Variants in PARP14 observed in about 807,000 individuals in gnomAD.
PARP14 encodes the protein poly(ADP-ribose) polymerase family member 14, also known as protein mono-ADP-ribosyltransferase PARP14.
Under a neutral mutation model 154.2 loss-of-function variants are expected in PARP14, and 59 were observed. That is an observed-to-expected ratio of 0.38 (90% CI 0.31 to 0.48). The LOEUF is 0.48. Ranked by LOEUF, PARP14 falls within the 20% of genes least tolerant of loss-of-function variation. The pLI, the probability that PARP14 is intolerant of heterozygous loss-of-function variation, is 0.98. For synonymous variants in PARP14, 720 were observed against 780.5 expected, an observed-to-expected ratio of 0.92 and a Z score of 1.29; for missense variants, 1,734 against 2,131.6, an observed-to-expected ratio of 0.81 and a Z score of 3.67.
At chr3:122,690,747 A>G (rs775959966) in intron 3 of PARP14, among the ~76,000 whole-genome samples, 7 of 152,152 alleles carry the variant, frequency 4.6e-5, no homozygotes, top group Non-Finnish European at 8.8e-5. Flanking sequence ...CCTGATGTCA[A>G]GTGATCCGCC....
intron 4 of PARP14, among the ~76,000 whole-genome samples, 193 bp from the exon 5 acceptor site, chr3:122,695,233 C>T (rs1364226273): frequency 2.0e-5 from 3 of 152,138 alleles, no homozygotes; most frequent in Non-Finnish European, 4.4e-5. Flanking sequence ...GTAAGACATT[C>T]GTGTGTGTGT....
intron 8 of PARP14, 39 bp downstream of exon 8, chr3:122,704,787 G>T: frequency 8.7e-7 from 1 of 1,146,972 alleles, no homozygotes; most frequent in South Asian, 1.4e-5. Context: ...TGGCAACTGA[G>T]ACCTAGTGTT....
intron 15 of PARP14, chr3:122,720,948 A>T (rs1426556360): frequency 4.2e-5 from 15 of 357,372 alleles, no homozygotes; most frequent in South Asian, 2.9e-4. Flanking sequence ...TCTCAAATAA[A>T]AACAACCAAT....
chr3:122,682,806 A>G (rs1374277127), intron 1 of PARP14, among the ~76,000 whole-genome samples: 1 of 152,144 alleles, frequency 6.6e-6, no homozygotes. Flanking sequence ...TAATCCCAGC[A>G]CTTTGGGAGG....
rs2107644656 is a variant in PARP14, at chr3:122,701,619, G to A, written c.3065G>A (p.Gly1022Asp). 1.9e-6 allele frequency: 3 copies of A among 1,596,772 alleles called. No homozygotes were observed. Among genetic ancestry groups the A allele is most frequent in the Non-Finnish European group, 2.6e-6 (3 of 1,171,274 alleles). ...CTGCAGATGCTGTTGGTGAAAGAGG[G>A]TGTGCAGAATGCTAAGGTGAGTGTC... The part of the protein sequence containing the change: ...GGLQMLLVKE[G>D]VQNAKTDVVV... Residue 1022 changes from glycine (G) to aspartate (D), a missense_variant, in exon 6 of 17, where the codon GGT (glycine) becomes GAT (aspartate). Transcript: ENST00000474629. The surrounding 1 kb of genome is among the most constrained non-coding windows in gnomAD (Gnocchi z 4.0).
Position 122,728,526 on chromosome 3 carries a change from C to T in PARP14, c.5335C>T (p.His1779Tyr), listed in dbSNP as rs757673576. ...LYDTVTDNVH[H>Y]PSLFVAFYDY... The stretch of plus-strand genomic sequence containing the variant: ...TGACACTGTCACAGATAATGTGCAC[C>T]ATCCAAGTTTATTTGTGGCATTTTA... The change falls in exon 17 of 17, where the codon CAT becomes TAT. Residue 1779 changes from histidine to tyrosine, a missense_variant. Physicochemically the swap from His to Tyr is moderately conservative, Grantham distance 83. This residue lies in a region of PARP14 where 88 missense variants were observed against 155.6 expected (regional missense o/e 0.57). Transcript: ENST00000474629. 5 of 1,613,612 alleles carry T rather than the reference C, an allele frequency of 3.1e-6. No homozygotes were observed. The highest frequency in any genetic ancestry group is 4.2e-6 in the Non-Finnish European group (5 of 1,179,586).
At position 122,718,351 on chromosome 3, in the gene PARP14, C is replaced by T. The variant is rs757731911; in HGVS notation, c.4208-8C>T. 1.2e-6 allele frequency: 2 copies of T among 1,610,528 alleles called. No individual in the cohort carries two copies. Among genetic ancestry groups the T allele is most frequent in the East Asian group, 4.5e-5 (2 of 44,868 alleles). Reference sequence around the variant, plus strand: ...ATGTGAAATACCTAATCTTCCTTTTCTTTTTAGCATTTTTGGGCTTTTCAA... The same window carrying T: ...ATGTGAAATACCTAATCTTCCTTTTTTTTTTAGCATTTTTGGGCTTTTCAA... On this transcript the variant is annotated splice_polypyrimidine_tract_variant and splice_region_variant and intron_variant, in intron 13 of 16. Transcript: ENST00000474629.
Position 122,681,378 on chromosome 3 carries a change from T to TTTG in PARP14, c.187+322_187+324dup, listed in dbSNP as rs537415263. On this transcript the variant is annotated intron_variant, in intron 1 of 16. Coordinates refer to ENST00000474629, the MANE Select transcript of PARP14 (RefSeq NM_017554.3). The surrounding 1 kb of genome is among the most constrained non-coding windows in gnomAD (Gnocchi z 5.5). ...TTTCCCTGTTGTGGTGGTGTTATTGTTTGTTGTTGTTGTTGTGGAAGTGAG... is the reference window on the plus strand; with the variant it reads ...TTTCCCTGTTGTGGTGGTGTTATTGTTTGTTGTTGTTGTTGTTGTGGAAGTGAG... Among the ~76,000 whole-genome samples the TTTG allele has an allele frequency of 2.6e-5, 4 of 152,178 alleles. No homozygotes were observed. Among genetic ancestry groups the TTTG allele is most frequent in the African/African-American group, 7.2e-5 (3 of 41,448 alleles).
intron 16 of PARP14, 132 bp from the exon 17 acceptor site, chr3:122,728,176 T>C (rs1933337647): frequency 1.1e-6 from 1 of 945,540 alleles, no homozygotes; most frequent in African/African-American, 1.7e-5. Context: ...GAAAAATTGA[T>C]GATTAAAAGT....
intron 4 of PARP14, among the ~76,000 whole-genome samples, chr3:122,693,998 G>T (rs1018409888): frequency 2.0e-5 from 3 of 152,098 alleles, no homozygotes; most frequent in Non-Finnish European, 2.9e-5. Context: ...TTTGTTCATC[G>T]ATCAGAATCT....
In PARP14 at chr3:122,685,195, G is replaced by A. The variant is rs1326241642; in HGVS notation, c.198G>A (p.Lys66=). 6.2e-7 allele frequency: 1 copy of A among 1,613,782 alleles called. No homozygotes were observed. Among genetic ancestry groups the A allele is most frequent in the Non-Finnish European group, 8.5e-7 (1 of 1,179,776 alleles). Reference sequence around the variant, plus strand: ...CTTTGGACATTTCAGTTCGGCAGAAGGTTCTGGAGAGAAAAAATCATGAGT... The same window carrying A: ...CTTTGGACATTTCAGTTCGGCAGAAAGTTCTGGAGAGAAAAAATCATGAGT... ...VFFYPEDVRQ[K]VLERKNHELV... Residue 66 remains lysine, a synonymous_variant, in exon 2 of 17, where the codon AAG becomes AAA. Coordinates refer to ENST00000474629, the MANE Select transcript of PARP14 (RefSeq NM_017554.3).
Position 122,727,282 on chromosome 3 carries a change from G to T in PARP14, c.4942-530G>T, listed in dbSNP as rs570110008. Among the ~76,000 whole-genome samples the T allele has an allele frequency of 2.0e-5, 3 of 152,328 alleles. No homozygotes were observed. In the East Asian group the frequency reaches 5.8e-4, roughly 29 times the overall value. ...CCACTGCCTAAAGAGTATGGTCAAA[G>T]CATGGCCACTTTGGTCTACAACATT... On this transcript the variant is annotated intron_variant, in intron 15 of 16. Transcript: ENST00000474629.
chr3:122,687,926 C>T (rs542945188), intron 3 of PARP14, among the ~76,000 whole-genome samples: 1 of 152,332 alleles, frequency 6.6e-6, no homozygotes, highest in Admixed American at 6.5e-5. Flanking sequence ...GCAACTTTCT[C>T]TTTTGGAAAA....
intron 12 of PARP14, 86 bp from the exon 13 acceptor site, chr3:122,717,985 C>T: frequency 1.0e-6 from 1 of 977,596 alleles, no homozygotes; most frequent in Non-Finnish European, 1.6e-6. Flanking sequence ...CATTTATTCT[C>T]TGAGCATTGG....
Position 122,700,819 on chromosome 3 carries a change from G to A in PARP14, c.2265G>A (p.Gln755=). 6.2e-7 allele frequency: 1 copy of A among 1,613,906 alleles called. No individual in the cohort carries two copies. Among genetic ancestry groups the A allele is most frequent in the East Asian group, 2.2e-5 (1 of 44,884 alleles). The change falls in exon 6 of 17, where the codon CAG becomes CAA. Residue 755 remains glutamine, a synonymous_variant. Coordinates refer to ENST00000474629, the MANE Select transcript of PARP14 (RefSeq NM_017554.3). The stretch of plus-strand genomic sequence containing the variant: ...AGCCAGGAGCCAAGCAGTTCTTCCA[G>A]GATAAAGCACGGTTTTATCAAAGTG... The part of the protein sequence containing the change: ...TDKPGAKQFF[Q]DKARFYQSEI...
intron 8 of PARP14, among the ~76,000 whole-genome samples, chr3:122,706,945 G>A (rs1159905522): frequency 6.6e-6 from 1 of 152,142 alleles, no homozygotes; most frequent in Non-Finnish European, 1.5e-5. Context: ...AAACGGAAGT[G>A]TTTGGGACCT....
In PARP14 at chr3:122,714,253, G is replaced by C; in HGVS notation, c.3833-9G>C. ...ACTAATTTTGCATCTTTTTGTCTGT[G>C]TTTCCCAGCTCAGCAGCGCAAAAAT... is the stretch of plus-strand genomic sequence containing the variant. On this transcript the variant is annotated splice_polypyrimidine_tract_variant and intron_variant, in intron 11 of 16. Transcript: ENST00000474629. The C allele has an allele frequency of 6.3e-7, 1 of 1,583,308 alleles. No homozygotes were observed. Among genetic ancestry groups the C allele is most frequent in the South Asian group, 1.2e-5 (1 of 84,188 alleles).
In PARP14 at chr3:122,718,172, G is replaced by T; in HGVS notation, c.4102G>T (p.Val1368Phe). 3.7e-6 allele frequency: 6 copies of T among 1,613,628 alleles called. No homozygotes were observed. Among genetic ancestry groups the T allele is most frequent in the Non-Finnish European group, 4.2e-6 (5 of 1,179,680 alleles). ...GSAQSVKKVK[V>F]VIFLPQVLDV... Reference sequence around the variant, plus strand: ...AGCCCAGTCTGTGAAAAAAGTTAAAGTTGTTATCTTTCTGCCTCAAGTACT... The same window carrying T: ...AGCCCAGTCTGTGAAAAAAGTTAAATTTGTTATCTTTCTGCCTCAAGTACT... Residue 1368 changes from valine (V) to phenylalanine (F), a missense_variant, in exon 13 of 17, where the codon GTT (valine) becomes TTT (phenylalanine). Physicochemically the swap from Val to Phe is conservative, Grantham distance 50. Transcript: ENST00000474629.
chr3:122,692,369 G>C lies in PARP14; in HGVS notation c.424G>C (p.Glu142Gln). The change falls in exon 4 of 17, where the codon GAG becomes CAG. Residue 142 changes from glutamate (E) to glutamine (Q), a missense_variant. Physicochemically the swap from Glu to Gln is conservative, Grantham distance 29. Coordinates refer to ENST00000474629, the MANE Select transcript of PARP14 (RefSeq NM_017554.3). ...ATTAGACAAAATGGAAGATATCCCA[G>C]AGGAATGTGAAAATATTTCCTCTTT... ...GGLDKMEDIP[E>Q]ECENISSLVA... 1 of 1,613,504 alleles carries C rather than the reference G, an allele frequency of 6.2e-7. No individual in the cohort carries two copies. Among genetic ancestry groups the C allele is most frequent in the Non-Finnish European group, 8.5e-7 (1 of 1,179,484 alleles).
Sources: allele counts gnomAD v4.1 joint callset (sites outside exome capture counted in the v4.1 genomes callset), GRCh38; gene constraint gnomAD v4.1.1; regional missense constraint gnomAD v4.1.1; non-coding constraint Gnocchi (gnomAD v3.1); transcripts MANE v1.5; gene names NCBI Gene and HGNC (gene_info 2026-07-23, HGNC 2026-07-21).